CACNA1D: variants seen among roughly 807,000 people sequenced by gnomAD.
CACNA1D encodes calcium voltage-gated channel subunit alpha1 D, also known as voltage-dependent L-type calcium channel subunit alpha-1D.
In CACNA1D, 55 loss-of-function variants were observed where a neutral mutation model predicts 257.1. That is an observed-to-expected ratio of 0.21 (90% CI 0.17 to 0.27). CACNA1D has a LOEUF of 0.27. CACNA1D is among the 10% of genes least tolerant of loss of function. The pLI is 1.00. For missense variants in CACNA1D, 1,876 were observed against 2,784.0 expected (o/e 0.67, Z 7.34); for synonymous variants, 980 against 1,014.9 (o/e 0.97, Z 0.65).
rs377165258 is a variant in CACNA1D at position 53,723,960 on chromosome 3, C to A, written c.2061C>A (p.Thr687=). 8 of 1,614,064 alleles carry A rather than the reference C, an allele frequency of 5.0e-6. No individual in the cohort carries two copies. Among genetic ancestry groups the A allele is most frequent in the Non-Finnish European group, 6.8e-6 (8 of 1,180,038 alleles). Residue 687 remains threonine, a synonymous_variant, in exon 14 of 48, where the codon ACC becomes ACA. Transcript: ENST00000350061. This position sits in a 1 kb window ranked among gnomAD's most constrained non-coding sequence, Gnocchi z 5.6. ...ATGAAACGCAAACCAAGCGGAGCACCTTTGACAATTTCCCTCAAGCACTTC... is the reference window on the plus strand; with the variant it reads ...ATGAAACGCAAACCAAGCGGAGCACATTTGACAATTTCCCTCAAGCACTTC... ...NFDETQTKRS[T]FDNFPQALLT... is the part of the protein sequence containing the mutation.
chr3:53,594,360 G>C (rs1259640138), intron 3 of CACNA1D, among the ~76,000 whole-genome samples: 1 of 152,200 alleles, frequency 6.6e-6, no homozygotes, highest in Non-Finnish European at 1.5e-5. Context: ...CTCGATCCCA[G>C]GTTCCTCAGG....
intron 3 of CACNA1D, among the ~76,000 whole-genome samples, chr3:53,553,723 C>T (rs2092582336): frequency 6.6e-6 from 1 of 152,084 alleles, no homozygotes; most frequent in African/African-American, 2.4e-5. Flanking sequence ...GACATAGGCT[C>T]CAGATTCTGT....
intron 2 of CACNA1D, among the ~76,000 whole-genome samples, chr3:53,501,256 T>C (rs17731913): frequency 0.047 from 7,222 of 152,318 alleles, 228 homozygotes; most frequent in South Asian, 0.095. Context: ...GCCGGGAACT[T>C]AGTAAGGCTC....
intron 3 of CACNA1D, among the ~76,000 whole-genome samples, chr3:53,529,530 T>G (rs769722896): frequency 6.6e-6 from 1 of 152,190 alleles, no homozygotes; most frequent in Non-Finnish European, 1.5e-5. Context: ...TGAGAAATAG[T>G]GTGGTACCAG....
chr3:53,495,224 C>T lies in CACNA1D; in HGVS notation c.58C>T (p.His20Tyr). ...GCATCAACGGCAGCAGCAAGCGGAC[C>T]ACGCGAACGGTGAGCAGCCAGAGCC... ...MQHQRQQQADHANEANYARGT... is the reference protein window; with the variant it reads ...MQHQRQQQADYANEANYARGT... Residue 20 changes from histidine (H) to tyrosine (Y), a missense_variant, in exon 1 of 48, where the codon CAC becomes TAC. Around this residue, in one of 10 missense-constraint regions of CACNA1D, gnomAD observed 143 missense variants for 168.7 expected, o/e 0.85. Transcript: ENST00000350061. The surrounding 1 kb of genome is among the most constrained non-coding windows in gnomAD (Gnocchi z 5.1). 6.2e-7 allele frequency: 1 copy of T among 1,613,778 alleles called. No individual in the cohort carries two copies. Among genetic ancestry groups the T allele is most frequent in the East Asian group, 2.2e-5 (1 of 44,856 alleles).
intron 39 of CACNA1D, 168 bp downstream of exon 39, chr3:53,781,835 G>T: frequency 1.5e-6 from 1 of 668,424 alleles, no homozygotes; most frequent in Non-Finnish European, 2.7e-6. Context: ...TTATTTTGGG[G>T]GTGATATGAA....
chr3:53,746,618 T>C (rs2108848063), intron 25 of CACNA1D, among the ~76,000 whole-genome samples: 1 of 152,292 alleles, frequency 6.6e-6, no homozygotes, highest in South Asian at 2.1e-4. Flanking sequence ...AGAGCACCAA[T>C]TGCAATTTGG....
intron 3 of CACNA1D, among the ~76,000 whole-genome samples, chr3:53,542,802 C>A (rs2092327077): frequency 6.6e-6 from 1 of 152,060 alleles, no homozygotes; most frequent in Admixed American, 6.5e-5. Context: ...CGCCTGTAAT[C>A]TTAGCACTTT....
At chr3:53,719,290 GCAGA>G (rs2094856639) in intron 10 of CACNA1D, among the ~76,000 whole-genome samples, 1 of 152,194 alleles carries the variant, frequency 6.6e-6, no homozygotes, top group Admixed American at 6.5e-5. Context: ...ACATCATGAA[GCAGA>G]CAGAGAATGG....
chr3:53,537,310 G>C (rs1324320314), intron 3 of CACNA1D, among the ~76,000 whole-genome samples: 1 of 152,096 alleles, frequency 6.6e-6, no homozygotes, highest in Admixed American at 6.5e-5. Flanking sequence ...AGACAGAAAA[G>C]TGTAATGAAC....
intron 18 of CACNA1D, among the ~76,000 whole-genome samples, chr3:53,732,358 C>T (rs1396810609): frequency 1.3e-5 from 2 of 152,216 alleles, no homozygotes; most frequent in Non-Finnish European, 2.9e-5. Context: ...GGTGTTAGCG[C>T]TCACCTGACA....
At chr3:53,739,065 G>T (rs2095088130) in intron 20 of CACNA1D, among the ~76,000 whole-genome samples, 1 of 152,226 alleles carries the variant, frequency 6.6e-6, no homozygotes, top group Non-Finnish European at 1.5e-5. Context: ...AATACCCTCT[G>T]AAGAGAGAGA....
At chr3:53,773,350 C>A in intron 33 of CACNA1D, 1 of 241,600 alleles carries the variant, frequency 4.1e-6, no homozygotes, top group South Asian at 5.8e-5. Flanking sequence ...TGAAACTGGG[C>A]TCTTCTGTGA....
At position 53,708,037 on chromosome 3, in the gene CACNA1D, G is replaced by C. The variant is rs545194010; in HGVS notation, c.1390+5227G>C. 2.1e-3 allele frequency among the ~76,000 whole-genome samples: 322 copies of C among 152,348 alleles called. 8 individuals are homozygous for C. The South Asian group carries it at 0.054, about 25-fold the overall frequency. ...GAGGCTATGGGCACTGCCCCTGCCT[G>C]CCCGGGGACTCTGCCACCCTGGGGC... On this transcript the variant is annotated intron_variant, in intron 9 of 47. Coordinates refer to ENST00000350061, the MANE Select transcript of CACNA1D (RefSeq NM_001128840.3).
At chr3:53,596,252 C>G (rs1179523745) in intron 3 of CACNA1D, among the ~76,000 whole-genome samples, 1 of 152,084 alleles carries the variant, frequency 6.6e-6, no homozygotes, top group Non-Finnish European at 1.5e-5. Flanking sequence ...CCCCTCCCCC[C>G]ACTCCCTGTA....
At chr3:53,645,608 C>T (rs947566244) in intron 3 of CACNA1D, among the ~76,000 whole-genome samples, 2 of 152,124 alleles carry the variant, frequency 1.3e-5, no homozygotes, top group African/African-American at 4.8e-5. Context: ...GCACCTCTGT[C>T]AAAGATCAGT....
intron 3 of CACNA1D, among the ~76,000 whole-genome samples, chr3:53,547,075 A>G (rs1193214173): frequency 6.6e-6 from 1 of 152,220 alleles, no homozygotes; most frequent in Non-Finnish European, 1.5e-5. Flanking sequence ...AAAAGAGGGA[A>G]ATGGAGGCTC....
At chr3:53,499,997 A>G (rs2107107844) in intron 2 of CACNA1D, among the ~76,000 whole-genome samples, 1 of 152,326 alleles carries the variant, frequency 6.6e-6, no homozygotes, top group African/African-American at 2.4e-5. Context: ...GGCTTAAAAA[A>G]AATAAACCCA....
At chr3:53,670,071 G>A (rs969231859) in intron 7 of CACNA1D, among the ~76,000 whole-genome samples, 5 of 152,162 alleles carry the variant, frequency 3.3e-5, no homozygotes, top group South Asian at 2.1e-4. Context: ...TCTTGTCTTA[G>A]CACCAAGCTC....
Sources: allele counts gnomAD v4.1 joint callset (sites outside exome capture counted in the v4.1 genomes callset), GRCh38; gene constraint gnomAD v4.1.1; regional missense constraint gnomAD v4.1.1; non-coding constraint Gnocchi (gnomAD v3.1); transcripts MANE v1.5; gene names NCBI Gene and HGNC (gene_info 2026-07-23, HGNC 2026-07-21).